Variants in PCDH15 observed in about 807,000 individuals in gnomAD.
The protein encoded by PCDH15 is protocadherin related 15.
A neutral mutation model predicts 178.5 loss-of-function variants in PCDH15; 129 were observed. The ratio of observed to expected loss-of-function variants is 0.72; its 90% CI spans 0.63 to 0.84. The LOEUF (loss-of-function observed/expected upper bound fraction) is 0.84. Ranked by LOEUF, PCDH15 falls within the 40% of genes least tolerant of loss-of-function variation. PCDH15 has a pLI of 0.00. For missense variants in PCDH15, 2,230 were observed against 2,099.9 expected, an observed-to-expected ratio of 1.06 and a Z score of -1.21; for synonymous variants, 800 against 732.0, an observed-to-expected ratio of 1.09 and a Z score of -1.50.
At position 55,182,904 on chromosome 10, in the gene PCDH15, A is replaced by AT. The variant is rs56954871; in HGVS notation, c.-155-16254dup. Among the ~76,000 whole-genome samples the AT allele has an allele frequency of 4.5e-3, 680 of 152,022 alleles. 3 individuals carry two copies. The highest frequency in any genetic ancestry group is 0.016 in the African/African-American group (663 of 41,508). On this transcript the variant is annotated intron_variant, in intron 1 of 5. Transcript: ENST00000458638. The stretch of plus-strand genomic sequence containing the variant: ...ACTGAAGGATATTTAAATTTTTGTG[A>AT]TTTTAAAAGCAAAGTGAGCCAATGG...
intron 32 of PCDH15, among the ~76,000 whole-genome samples, chr10:53,824,878 T>G (rs2076573550): frequency 6.6e-6 from 1 of 152,036 alleles, no homozygotes; most frequent in African/African-American, 2.4e-5. Context: ...TTTTAAAAAC[T>G]AATTTAAAAA....
chr10:54,043,157 C>T (rs753092153), intron 18 of PCDH15, among the ~76,000 whole-genome samples: 1 of 152,022 alleles, frequency 6.6e-6, no homozygotes, highest in Non-Finnish European at 1.5e-5. Context: ...TCAGATTTAT[C>T]GGTGAACATT....
At chr10:54,710,114 C>CA (rs2095413495) in intron 1 of PCDH15, among the ~76,000 whole-genome samples, 1 of 151,834 alleles carries the variant, frequency 6.6e-6, no homozygotes, top group Non-Finnish European at 1.5e-5. Context: ...TAGCAATTCA[C>CA]AATGCTACTG....
At chr10:54,065,783 A>G (rs1271326549) in intron 18 of PCDH15, among the ~76,000 whole-genome samples, 1 of 152,248 alleles carries the variant, frequency 6.6e-6, no homozygotes, top group Non-Finnish European at 1.5e-5. Context: ...CAACTGGTCA[A>G]TCAAAATCTC....
chr10:54,401,316 A>T (rs1951904240), intron 3 of PCDH15, among the ~76,000 whole-genome samples: 1 of 151,944 alleles, frequency 6.6e-6, no homozygotes. Flanking sequence ...CTTTTGGAAA[A>T]AAAATGAGAG....
intron 8 of PCDH15, among the ~76,000 whole-genome samples, chr10:54,307,016 A>G (rs376996372): frequency 0.2 from 5,610 of 28,650 alleles, 766 homozygotes; most frequent in Middle Eastern, 0.3. Context: ...ATATATATAC[A>G]TATATATATA....
At chr10:55,575,038 C>T (rs767424995) in intron 2 of PCDH15, among the ~76,000 whole-genome samples, 3 of 152,010 alleles carry the variant, frequency 2.0e-5, no homozygotes, top group Non-Finnish European at 2.9e-5. Flanking sequence ...CAACTCAGAG[C>T]TTTTACTCAC....
intron 2 of PCDH15, among the ~76,000 whole-genome samples, chr10:54,639,737 C>T (rs1178344612): frequency 6.6e-6 from 1 of 152,082 alleles, no homozygotes; most frequent in Non-Finnish European, 1.5e-5. Flanking sequence ...TATATGGGAA[C>T]ACCACCAAAA....
chr10:53,913,777 A>C (rs781480873), intron 25 of PCDH15, among the ~76,000 whole-genome samples: 11 of 151,818 alleles, frequency 7.2e-5, no homozygotes, highest in South Asian at 6.2e-4. Context: ...ACAAAAAAAA[A>C]CAAAGAGCTT....
At chr10:54,832,176 G>A (rs116056571) in intron 3 of PCDH15, among the ~76,000 whole-genome samples, 1,548 of 151,888 alleles carry the variant, frequency 0.01, 20 homozygotes, top group African/African-American at 0.035. Context: ...TGTCCCTGTC[G>A]GCTGTTAACA....
At chr10:55,121,582 A>C (rs372840744) in intron 2 of PCDH15, among the ~76,000 whole-genome samples, 2 of 152,182 alleles carry the variant, frequency 1.3e-5, no homozygotes, top group Admixed American at 6.5e-5. Context: ...TCTAAAATTT[A>C]TAAGTTGGAA....
intron 8 of PCDH15, among the ~76,000 whole-genome samples, chr10:54,291,049 T>C (rs1316037728): frequency 2.0e-5 from 3 of 151,086 alleles, no homozygotes; most frequent in Non-Finnish European, 3.0e-5. Context: ...CTCGCACTTA[T>C]AAAATTGACC....
chr10:55,563,822 T>A (rs1842248308), intron 2 of PCDH15, among the ~76,000 whole-genome samples: 1 of 151,820 alleles, frequency 6.6e-6, no homozygotes, highest in African/African-American at 2.4e-5. Flanking sequence ...AGCTGAAAAT[T>A]ACCACTGAAT....
At chr10:54,421,809 AGT>A (rs1402685468) in intron 3 of PCDH15, among the ~76,000 whole-genome samples, 2 of 71,944 alleles carry the variant, frequency 2.8e-5, no homozygotes, top group Non-Finnish European at 2.9e-5. Flanking sequence ...GTACATGTGT[AGT>A]GTGTGTATAT....
At chr10:55,297,163 C>T (rs1843154044) in intron 1 of PCDH15, among the ~76,000 whole-genome samples, 1 of 150,654 alleles carries the variant, frequency 6.6e-6, no homozygotes. Context: ...GAACATTATA[C>T]AGTATGTTAG....
chr10:55,153,537 T>C (rs1838795246), intron 2 of PCDH15, among the ~76,000 whole-genome samples: 1 of 152,138 alleles, frequency 6.6e-6, no homozygotes, highest in Admixed American at 6.6e-5. Context: ...TAGCAGAAGC[T>C]AGAAGTCATA....
intron 3 of PCDH15, among the ~76,000 whole-genome samples, chr10:54,455,938 G>T (rs1295650224): frequency 6.6e-6 from 1 of 152,158 alleles, no homozygotes; most frequent in African/African-American, 2.4e-5. Context: ...CTTACACATG[G>T]TATTGGGCCT....
At chr10:55,279,363 G>C (rs1234096667) in intron 1 of PCDH15, among the ~76,000 whole-genome samples, 1 of 152,158 alleles carries the variant, frequency 6.6e-6, no homozygotes, top group Non-Finnish European at 1.5e-5. Flanking sequence ...CAAATTTTCA[G>C]CCTTTTTTGG....
intron 1 of PCDH15, among the ~76,000 whole-genome samples, chr10:55,309,474 G>A (rs1452219537): frequency 1.3e-5 from 2 of 151,474 alleles, no homozygotes; most frequent in Admixed American, 1.3e-4. Flanking sequence ...CTATGATCAT[G>A]CCACTGCACT....
Sources: gnomAD v4.1 joint callset for allele counts (sites outside exome capture counted in the v4.1 genomes callset) on GRCh38, gnomAD v4.1.1 for gene constraint, MANE v1.5 for transcripts, NCBI Gene and HGNC (gene_info 2026-07-23, HGNC 2026-07-21) for gene names.